WDR64: variants seen among roughly 807,000 people sequenced by gnomAD.
WDR64 encodes the protein WD repeat-containing protein 64.
In WDR64, 112 loss-of-function variants were observed where a neutral mutation model predicts 139.3. That is an observed-to-expected ratio of 0.80 (90% CI 0.69 to 0.94). WDR64 has a LOEUF of 0.94. WDR64 is among the 40% of genes least tolerant of loss of function. The pLI, the probability that WDR64 is intolerant of heterozygous loss-of-function variation, is 0.00. For missense variants in WDR64, 1,206 were observed against 1,293.1 expected, an observed-to-expected ratio of 0.93 and a Z score of 1.03; for synonymous variants, 444 against 437.7, an observed-to-expected ratio of 1.01 and a Z score of -0.18.
At chr1:241,783,225 C>CATT (rs1234335375) in intron 22 of WDR64, 47 bp from the exon 23 acceptor site, 1 of 1,485,878 alleles carries the variant, frequency 6.7e-7, no homozygotes, top group East Asian at 2.3e-5. Context: ...TACATTTTTA[C>CATT]TAGCATATAG....
Position 241,768,096 on chromosome 1 carries a change from C to T in WDR64, c.2082-1308C>T, listed in dbSNP as rs555490827. On this transcript the variant is annotated intron_variant, in intron 16 of 27. Transcript: ENST00000437684. ...CCACAGCCTAAAGAGGGGGGCAACA[C>T]CCGTGATAATAATCCCACTTTAAAG... 2.0e-5 allele frequency among the ~76,000 whole-genome samples: 3 copies of T among 152,286 alleles called. No homozygotes were observed. The South Asian group carries it at 6.2e-4, about 32-fold the overall frequency.
intron 15 of WDR64, 27 bp from the exon 16 acceptor site, chr1:241,766,191 T>C: frequency 6.2e-7 from 1 of 1,611,134 alleles, no homozygotes; most frequent in Non-Finnish European, 8.5e-7. Flanking sequence ...ACTATATTTA[T>C]GGTGTTCTGT....
chr1:241,789,999 T>C (rs6429314), intron 24 of WDR64, among the ~76,000 whole-genome samples: 59,700 of 151,948 alleles, frequency 0.39, 11,776 homozygotes, highest in African/African-American at 0.43. Flanking sequence ...AAAAGCGGTT[T>C]CCTAGTTCCT....
chr1:241,779,653 C>T (rs540522212), intron 21 of WDR64, among the ~76,000 whole-genome samples: 2 of 152,154 alleles, frequency 1.3e-5, no homozygotes, highest in Non-Finnish European at 2.9e-5. Flanking sequence ...TGGTGAAACC[C>T]TGTCTCTACT....
At chr1:241,677,318 G>A (rs750318591) in intron 4 of WDR64, 7 of 398,366 alleles carry the variant, frequency 1.8e-5, no homozygotes, top group Middle Eastern at 6.2e-4. Context: ...TTCTTACAGC[G>A]ATGTATTTTT....
At chr1:241,789,898 AT>A (rs1329808710) in intron 24 of WDR64, among the ~76,000 whole-genome samples, 1 of 152,080 alleles carries the variant, frequency 6.6e-6, no homozygotes, top group Admixed American at 6.6e-5. Flanking sequence ...GTTAAAAAAA[AT>A]AGTTATGACT....
rs80265944 is a variant in WDR64 at position 241,683,029 on chromosome 1, A to T, written c.625-458A>T. 3.5e-4 allele frequency among the ~76,000 whole-genome samples: 54 copies of T among 152,342 alleles called. 1 individual carries two copies. In the East Asian group the frequency reaches 0.01, roughly 29 times the overall value. On this transcript the variant is annotated intron_variant, in intron 6 of 27. Transcript: ENST00000437684. The stretch of plus-strand genomic sequence containing the variant: ...CATTCAATAGTACAAAATAAGCTTG[A>T]CAAATGCTAAATATTTCTGAATAAA...
chr1:241,735,819 TTCTATCTCTCTCTCTCTC>T (rs1468963046), intron 10 of WDR64, among the ~76,000 whole-genome samples: 3 of 129,182 alleles, frequency 2.3e-5, no homozygotes, highest in African/African-American at 9.0e-5. Context: ...GTCCTTCTCT[TTCTATCTCTCTCTCTCTC>T]TCTCTCTCTC....
At chr1:241,671,247 T>C (rs1666215328) in intron 3 of WDR64, 71 bp downstream of exon 3, 1 of 1,032,056 alleles carries the variant, frequency 9.7e-7, no homozygotes, top group Non-Finnish European at 1.4e-6. Flanking sequence ...TGGAACTATA[T>C]TTTCCATAGA....
chr1:241,687,321 A>T, intron 7 of WDR64, 140 bp from the exon 8 acceptor site: 71 of 799,294 alleles, frequency 8.9e-5, no homozygotes, highest in Non-Finnish European at 1.2e-4. Context: ...AAAAAAAAAA[A>T]GGTGTTATAA....
intron 27 of WDR64, among the ~76,000 whole-genome samples, chr1:241,797,163 A>G (rs1375623723): frequency 1.3e-5 from 2 of 152,208 alleles, no homozygotes; most frequent in African/African-American, 4.8e-5. Flanking sequence ...GATTTTCACA[A>G]TAAGAACAAA....
rs143606032 is a variant in WDR64, at chr1:241,780,010, A to G, written c.2543A>G (p.His848Arg). ...RILLAGNVEG[H>R]VILCNISSFL... Reference sequence around the variant, plus strand: ...ATGTTTAAATTTTATACAGAAGGACATGTTATCCTTTGCAATATTAGCTCT... The same window carrying G: ...ATGTTTAAATTTTATACAGAAGGACGTGTTATCCTTTGCAATATTAGCTCT... Residue 848 changes from histidine (H) to arginine (R), a missense_variant, in exon 22 of 28, where the codon CAT becomes CGT. By Grantham distance (29) the His-to-Arg change is conservative (BLOSUM62 0). Coordinates refer to ENST00000437684, the MANE Select transcript of WDR64 (RefSeq NM_001367482.1). The G allele has an allele frequency of 3.1e-6, 5 of 1,591,694 alleles. No individual in the cohort carries two copies. The highest frequency in any genetic ancestry group is 2.3e-5 in the East Asian group (1 of 43,730).
In WDR64 at chr1:241,727,733, G is replaced by A. The variant is rs575379018; in HGVS notation, c.1194+4297G>A. ...AGTACATAAGAAAACAGTATGATAA[G>A]TATGGTAAGAAATAGGAAACACAGG... is the stretch of plus-strand genomic sequence containing the variant. On this transcript the variant is annotated intron_variant, in intron 10 of 27. Transcript: ENST00000437684. Among the ~76,000 whole-genome samples the A allele has an allele frequency of 2.6e-5, 4 of 152,124 alleles. No individual in the cohort carries two copies. The South Asian group carries it at 8.3e-4, about 32-fold the overall frequency.
At chr1:241,657,516 A>T (rs1665655134) in intron 1 of WDR64, among the ~76,000 whole-genome samples, 1 of 152,112 alleles carries the variant, frequency 6.6e-6, no homozygotes, top group Non-Finnish European at 1.5e-5. Flanking sequence ...CCTTCTTGGA[A>T]CATGCCAAGC....
At chr1:241,798,398 T>C (rs1376436597) in intron 27 of WDR64, among the ~76,000 whole-genome samples, 2 of 152,192 alleles carry the variant, frequency 1.3e-5, no homozygotes, top group Non-Finnish European at 1.5e-5. Flanking sequence ...TTAAGACCAA[T>C]TGTGCACTTA....
rs183165711 is a variant in WDR64, at chr1:241,708,685, G to A, written c.975-3117G>A. Among the ~76,000 whole-genome samples, 333 of 132,376 alleles carry A rather than the reference G, an allele frequency of 2.5e-3. 1 individual carries two copies. Among genetic ancestry groups the A allele is most frequent in the Non-Finnish European group, 4.5e-3 (287 of 63,708 alleles). 86.8% of individuals were successfully genotyped at this position (132,376 alleles called of 152,430 possible). ...TCTGATTTATCAAGTTAGGGCTGAGGTCCATGGTTTTTTTTTTTGTTTTTT... is the reference window on the plus strand; with the variant it reads ...TCTGATTTATCAAGTTAGGGCTGAGATCCATGGTTTTTTTTTTTGTTTTTT... On this transcript the variant is annotated intron_variant, in intron 8 of 27. Coordinates refer to ENST00000437684, the MANE Select transcript of WDR64 (RefSeq NM_001367482.1).
chr1:241,770,166 C>A (rs7543430), intron 17 of WDR64, among the ~76,000 whole-genome samples: 4,831 of 152,238 alleles, frequency 0.032, 118 homozygotes, highest in Middle Eastern at 0.092. Flanking sequence ...ATTTTGAGGA[C>A]TTATTCTGTA....
Position 241,796,371 on chromosome 1 carries a change from G to T in WDR64, c.3192+1G>T. On this transcript the variant is annotated splice_donor_variant, in intron 27 of 27. Transcript: ENST00000437684. LOFTEE classifies it high-confidence loss of function. ...GGGAGGTCATGTTCAACGTGAAAAA[G>T]TAAGTTAGTACTAATTCCACCGTTA... The T allele has an allele frequency of 6.2e-7, 1 of 1,600,488 alleles. No homozygotes were observed. Among genetic ancestry groups the T allele is most frequent in the Non-Finnish European group, 8.6e-7 (1 of 1,168,868 alleles).
At chr1:241,796,428 G>T in intron 27 of WDR64, 58 bp downstream of exon 27, 8 of 1,149,706 alleles carry the variant, frequency 7.0e-6, no homozygotes, top group East Asian at 2.6e-5. Flanking sequence ...ATTTCTGTTT[G>T]TTTTTTTAAA....
Sources: allele counts gnomAD v4.1 joint callset (sites outside exome capture counted in the v4.1 genomes callset), GRCh38; gene constraint gnomAD v4.1.1; transcripts MANE v1.5; gene names NCBI Gene and HGNC (gene_info 2026-07-23, HGNC 2026-07-21).